APP: variants seen among roughly 807,000 people sequenced by gnomAD.
The protein encoded by APP is amyloid-beta precursor protein.
In APP, 31 loss-of-function variants were observed where a neutral mutation model predicts 101.4. That is an observed-to-expected ratio of 0.31 (90% confidence interval 0.23 to 0.41). The LOEUF is 0.41. Among genes scored for constraint, APP ranks in the 10% least tolerant of loss-of-function variants. The pLI is 1.00. For synonymous variants in APP, 366 were observed against 364.4 expected (o/e 1.00, Z -0.05); for missense variants, 839 against 1,003.7 (o/e 0.84, Z 2.22).
chr21:26,126,739 C>CA (rs2062692511), intron 1 of APP, among the ~76,000 whole-genome samples: 1 of 152,070 alleles, frequency 6.6e-6, no homozygotes, highest in African/African-American at 2.4e-5. Flanking sequence ...TTATTTGGCT[C>CA]AAAATGTCAG....
intron 16 of APP, among the ~76,000 whole-genome samples, chr21:25,896,178 A>C (rs2038031624): frequency 6.6e-6 from 1 of 152,206 alleles, no homozygotes; most frequent in Non-Finnish European, 1.5e-5. Flanking sequence ...AACTGATACT[A>C]GATTATCTTG....
At chr21:25,929,781 G>A (rs190290996) in intron 13 of APP, among the ~76,000 whole-genome samples, 5 of 152,228 alleles carry the variant, frequency 3.3e-5, no homozygotes, top group African/African-American at 9.6e-5. Flanking sequence ...GCTCTTGCAC[G>A]CATTTTTATA....
intron 6 of APP, among the ~76,000 whole-genome samples, chr21:26,015,698 C>A (rs537451073): frequency 6.6e-6 from 1 of 151,964 alleles, no homozygotes; most frequent in South Asian, 2.1e-4. Context: ...CAAAAAAAAA[C>A]AAACCCTACC....
chr21:26,161,468 C>T (rs1226236669), intron 1 of APP, among the ~76,000 whole-genome samples: 2 of 152,040 alleles, frequency 1.3e-5, no homozygotes, highest in African/African-American at 4.8e-5. Flanking sequence ...TTCTGTCTAC[C>T]CTCTTGGGGG....
At chr21:25,995,420 C>A (rs1402887878) in intron 8 of APP, among the ~76,000 whole-genome samples, 4 of 152,134 alleles carry the variant, frequency 2.6e-5, no homozygotes, top group Admixed American at 6.5e-5. Context: ...ATGTCAGAAC[C>A]AATGCTTAGC....
intron 2 of APP, among the ~76,000 whole-genome samples, chr21:26,100,756 A>G (rs1399484890): frequency 6.7e-6 from 1 of 148,200 alleles, no homozygotes; most frequent in Non-Finnish European, 1.5e-5. Flanking sequence ...AGATTAAGCA[A>G]CTGTTCATTT....
intron 1 of APP, among the ~76,000 whole-genome samples, chr21:26,156,855 A>C (rs2063384484): frequency 9.5e-6 from 1 of 105,564 alleles, no homozygotes; most frequent in Non-Finnish European, 2.5e-5. Context: ...TATGGGCTTC[A>C]CGGGTGAAAA....
At chr21:26,125,376 G>A (rs996203453) in intron 1 of APP, among the ~76,000 whole-genome samples, 21 of 152,076 alleles carry the variant, frequency 1.4e-4, no homozygotes, top group African/African-American at 5.1e-4. Context: ...ATTCATTATT[G>A]TATATTCATG....
rs142161485 is a variant in APP, at chr21:26,067,917, T to TAA, written c.356-14571_356-14570dup. ...CACTTTCCTTTCTTTCTGCCTTATTTAAAAAAAAAAAACAAAAAACTCAAA... is the reference window on the plus strand; with the variant it reads ...CACTTTCCTTTCTTTCTGCCTTATTTAAAAAAAAAAAAAACAAAAAACTCAAA... On this transcript the variant is annotated intron_variant, in intron 3 of 17. Transcript: ENST00000346798. 8.9e-3 allele frequency among the ~76,000 whole-genome samples: 1,274 copies of TAA among 143,386 alleles called. 11 individuals carry two copies. The highest frequency in any genetic ancestry group is 0.03 in the African/African-American group (1,188 of 39,562). 94.1% of individuals were successfully genotyped at this position (143,386 alleles called of 152,430 possible).
intron 1 of APP, among the ~76,000 whole-genome samples, chr21:26,161,401 C>G (rs935094378): frequency 6.6e-6 from 1 of 152,202 alleles, no homozygotes; most frequent in Non-Finnish European, 1.5e-5. Flanking sequence ...ACGTAGCATT[C>G]TCTTATATTC....
chr21:25,954,869 T>A (rs2041246131), intron 12 of APP, among the ~76,000 whole-genome samples, 180 bp from the exon 13 acceptor site: 2 of 126 alleles, frequency 0.016, no homozygotes, highest in African/African-American at 0.025. Flanking sequence ...ACACTGCTAC[T>A]GTTAAAAAGG....
At chr21:25,888,004 C>T (rs17001470) in intron 17 of APP, among the ~76,000 whole-genome samples, 2,191 of 151,998 alleles carry the variant, frequency 0.014, 27 homozygotes, top group Middle Eastern at 0.031. Flanking sequence ...TGATCTTCTG[C>T]GGGCATTTTT....
chr21:25,964,132 A>G (rs1358925318), intron 11 of APP, among the ~76,000 whole-genome samples: 1 of 152,168 alleles, frequency 6.6e-6, no homozygotes, highest in African/African-American at 2.4e-5. Context: ...GAGTTATCCC[A>G]ATGTTCCTTC....
intron 1 of APP, among the ~76,000 whole-genome samples, chr21:26,119,544 A>C (rs1447388167): frequency 3.9e-5 from 6 of 152,164 alleles, no homozygotes; most frequent in African/African-American, 7.2e-5. Flanking sequence ...CCAACTACTA[A>C]TGTTTATCAA....
intron 1 of APP, among the ~76,000 whole-genome samples, chr21:26,143,697 G>A (rs894908031): frequency 6.6e-6 from 1 of 152,050 alleles, no homozygotes; most frequent in Non-Finnish European, 1.5e-5. Flanking sequence ...GACCAACATC[G>A]CCTCACTTCC....
At chr21:26,140,906 A>G (rs1044965902) in intron 1 of APP, among the ~76,000 whole-genome samples, 2 of 152,232 alleles carry the variant, frequency 1.3e-5, no homozygotes, top group Non-Finnish European at 2.9e-5. Context: ...CAACCGGATT[A>G]TAAGAAACAA....
Position 26,170,634 on chromosome 21 carries a change from G to T in APP, c.-14C>A. 6.5e-7 allele frequency: 1 copy of T among 1,532,832 alleles called. No homozygotes were observed. The allele number at this position is 1,532,832 out of a possible 1,614,324, so 95.0% of individuals were successfully genotyped here. On this transcript the variant is annotated 5_prime_UTR_variant, in exon 1 of 18. Coordinates refer to ENST00000346798, the MANE Select transcript of APP (RefSeq NM_000484.4). ...ACCGGGCAGCATCGCGACCCTGCGC[G>T]GGGCACCGAGTGCGCTGCTGTGCGA...
intron 3 of APP, among the ~76,000 whole-genome samples, chr21:26,054,684 T>C (rs960134959): frequency 3.6e-5 from 5 of 139,684 alleles, no homozygotes; most frequent in Non-Finnish European, 6.1e-5. Flanking sequence ...TAGATCAGCA[T>C]AGTGAAACCA....
chr21:26,028,713 A>G (rs2044691258), intron 5 of APP, among the ~76,000 whole-genome samples: 1 of 152,326 alleles, frequency 6.6e-6, no homozygotes, highest in Middle Eastern at 3.4e-3. Flanking sequence ...GCCAACCCCT[A>G]GTAATTCAAT....
Sources: gnomAD v4.1 joint callset for allele counts (sites outside exome capture counted in the v4.1 genomes callset) on GRCh38, gnomAD v4.1.1 for gene constraint, MANE v1.5 for transcripts, NCBI Gene and HGNC (gene_info 2026-07-23, HGNC 2026-07-21) for gene names.